Variants in PKN2 observed in about 807,000 individuals in gnomAD.
PKN2 encodes the protein serine/threonine-protein kinase N2.
Under a neutral mutation model 119.1 loss-of-function variants are expected in PKN2, and 38 were observed. That is an observed-to-expected ratio of 0.32 (90% CI 0.25 to 0.42). The LOEUF (loss-of-function observed/expected upper bound fraction) is 0.42. Among genes scored for constraint, PKN2 ranks in the 10% least tolerant of loss-of-function variants. PKN2 has a pLI of 1.00. For synonymous variants in PKN2, 390 were observed against 384.9 expected, an observed-to-expected ratio of 1.01 and a Z score of -0.15; for missense variants, 850 against 1,165.1, an observed-to-expected ratio of 0.73 and a Z score of 3.94.
At chr1:88,689,832 G>A (rs1010719456) in intron 1 of PKN2, among the ~76,000 whole-genome samples, 13 of 152,014 alleles carry the variant, frequency 8.6e-5, no homozygotes, top group Non-Finnish European at 1.8e-4. Flanking sequence ...CAGTAGTATG[G>A]ATTTAGTAAT....
At chr1:88,724,408 C>T (rs914888328) in intron 1 of PKN2, among the ~76,000 whole-genome samples, 13 of 152,100 alleles carry the variant, frequency 8.5e-5, no homozygotes, top group African/African-American at 3.1e-4. Context: ...GTGCAAATGT[C>T]TCTTGTTACA....
rs1433489207 is a variant in PKN2 at position 88,821,941 on chromosome 1, A to G, written c.2280A>G (p.Val760=). 1.9e-6 allele frequency: 3 copies of G among 1,574,154 alleles called. No individual in the cohort carries two copies. In the East Asian group the frequency reaches 6.9e-5, roughly 36 times the overall value. The change falls in exon 17 of 22, where the codon GTA becomes GTG. Residue 760 remains valine, a splice_region_variant and synonymous_variant. Coordinates refer to ENST00000370521, the MANE Select transcript of PKN2 (RefSeq NM_006256.4). ...HTDVFSEPRA[V]FYAACVVLGL... ...CCTGTTGATTTAATTCTTCAAACAG[A>G]TTTTATGCTGCTTGTGTAGTTCTTG... is the stretch of plus-strand genomic sequence containing the variant.
chr1:88,788,451 T>C (rs531093051), intron 8 of PKN2, among the ~76,000 whole-genome samples: 1 of 152,248 alleles, frequency 6.6e-6, no homozygotes, highest in South Asian at 2.1e-4. Context: ...TTTTTTTTTT[T>C]TCTTCTTTCT....
chr1:88,763,671 G>C (rs1009542110), intron 3 of PKN2, among the ~76,000 whole-genome samples: 1 of 151,802 alleles, frequency 6.6e-6, no homozygotes, highest in Non-Finnish European at 1.5e-5. Flanking sequence ...ATTAAAGAAG[G>C]TCATTTATGC....
In PKN2 at chr1:88,834,189, C is replaced by A. The variant is rs1475148670; in HGVS notation, c.*741C>A. 1 of 151,968 alleles carries A rather than the reference C, an allele frequency of 6.6e-6. No individual in the cohort carries two copies. Among genetic ancestry groups the A allele is most frequent in the Non-Finnish European group, 1.5e-5 (1 of 67,946 alleles). 9.4% of individuals were successfully genotyped at this position (151,968 alleles called of 1,614,324 possible). A position where few individuals can be genotyped will look rare whatever the true frequency, so the allele number is the denominator to read the frequency against. On this transcript the variant is annotated 3_prime_UTR_variant, in exon 22 of 22. Coordinates refer to ENST00000370521, the MANE Select transcript of PKN2 (RefSeq NM_006256.4). Reference sequence around the variant, plus strand: ...TTACTTAAGATGTTAAGAATGAGGACTTTTAATCAGCCGAACCAAGATATT... The same window carrying A: ...TTACTTAAGATGTTAAGAATGAGGAATTTTAATCAGCCGAACCAAGATATT...
intron 1 of PKN2, among the ~76,000 whole-genome samples, chr1:88,706,390 A>G (rs185730483): frequency 1.3e-5 from 2 of 152,136 alleles, no homozygotes; most frequent in Non-Finnish European, 2.9e-5. Flanking sequence ...TGTAGTTTCT[A>G]TAGTGTTTTT....
intron 1 of PKN2, among the ~76,000 whole-genome samples, chr1:88,698,372 C>T (rs1026880579): frequency 2.0e-5 from 3 of 152,132 alleles, no homozygotes; most frequent in Admixed American, 1.3e-4. Flanking sequence ...CATGCATAAA[C>T]AATGTCCTCA....
At position 88,724,547 on chromosome 1, in the gene PKN2, G is replaced by A. The variant is rs149883063; in HGVS notation, c.49-16441G>A. On this transcript the variant is annotated intron_variant, in intron 1 of 21. Transcript: ENST00000370521. ...TTTATGTATAACATTGAAGAAAGTG[G>A]CATTAAACAGTGTTCCAAGGGATTA... Among the ~76,000 whole-genome samples the A allele has an allele frequency of 2.8e-3, 417 of 149,928 alleles. 1 individual carries two copies. The highest frequency in any genetic ancestry group is 9.7e-3 in the African/African-American group (398 of 40,948).
intron 1 of PKN2, among the ~76,000 whole-genome samples, chr1:88,737,378 G>C (rs1434686227): frequency 6.6e-6 from 1 of 151,990 alleles, no homozygotes; most frequent in African/African-American, 2.4e-5. Context: ...ATTTTGCCCA[G>C]TGTGGAGTCT....
At chr1:88,761,352 G>C (rs1416473228) in intron 3 of PKN2, among the ~76,000 whole-genome samples, 1 of 151,646 alleles carries the variant, frequency 6.6e-6, no homozygotes, top group Non-Finnish European at 1.5e-5. Context: ...TTTTATTTTA[G>C]TAGATATTTT....
intron 2 of PKN2, 31 bp from the exon 3 acceptor site, chr1:88,760,191 A>G: frequency 8.1e-7 from 1 of 1,242,006 alleles, no homozygotes; most frequent in Non-Finnish European, 1.1e-6. Flanking sequence ...ATTCATTCTA[A>G]TAAGTAATTT....
Position 88,833,259 on chromosome 1 carries a change from C to G in PKN2, c.2766C>G (p.Ser922Arg). The G allele has an allele frequency of 1.2e-6, 2 of 1,612,894 alleles. No homozygotes were observed. Among genetic ancestry groups the G allele is most frequent in the South Asian group, 2.2e-5 (2 of 91,024 alleles). Residue 922 changes from serine (S) to arginine (R), a missense_variant, in exon 22 of 22, where the codon AGC becomes AGG. Around this residue, in one of 9 missense-constraint regions of PKN2, gnomAD observed 95 missense variants for 150.2 expected, o/e 0.63. Coordinates refer to ENST00000370521, the MANE Select transcript of PKN2 (RefSeq NM_006256.4). Reference protein sequence around the residue: ...KHPFFRLIDWSALMDKKVKPP... With the variant: ...KHPFFRLIDWRALMDKKVKPP... ...TTATGATCCAGCTAATTGATTGGAGCGCTCTGATGGACAAAAAAGTAAAGC... is the reference window on the plus strand; with the variant it reads ...TTATGATCCAGCTAATTGATTGGAGGGCTCTGATGGACAAAAAAGTAAAGC...
chr1:88,689,609 G>A (rs985214759), intron 1 of PKN2, among the ~76,000 whole-genome samples: 4 of 152,114 alleles, frequency 2.6e-5, no homozygotes, highest in Non-Finnish European at 5.9e-5. Flanking sequence ...TCAGGAGTTC[G>A]AGACTAGCCT....
rs1045062478 is a variant in PKN2, at chr1:88,835,520, A to G, written c.*2072A>G. 6.6e-5 allele frequency: 10 copies of G among 152,378 alleles called. No individual in the cohort carries two copies. Among genetic ancestry groups the G allele is most frequent in the Non-Finnish European group, 1.3e-4 (9 of 67,864 alleles). 9.4% of individuals were successfully genotyped at this position (152,378 alleles called of 1,614,324 possible). On this transcript the variant is annotated 3_prime_UTR_variant, in exon 22 of 22. Transcript: ENST00000370521. ...TTAGAAGGCAGGGTCTATTTACACA[A>G]TTAAGCTGAAGAAAGCACTAATTTT... is the stretch of plus-strand genomic sequence containing the variant.
At chr1:88,779,167 A>T (rs1215407607) in intron 6 of PKN2, among the ~76,000 whole-genome samples, 1 of 152,070 alleles carries the variant, frequency 6.6e-6, no homozygotes, top group East Asian at 1.9e-4. Flanking sequence ...GCCATCTTCA[A>T]TACTGCCCCC....
At chr1:88,756,508 A>G (rs1669207621) in intron 2 of PKN2, among the ~76,000 whole-genome samples, 1 of 152,166 alleles carries the variant, frequency 6.6e-6, no homozygotes, top group African/African-American at 2.4e-5. Context: ...ATCCTAGGCT[A>G]AATACACCAT....
chr1:88,718,800 C>A (rs894287938), intron 1 of PKN2, among the ~76,000 whole-genome samples: 20 of 152,078 alleles, frequency 1.3e-4, no homozygotes, highest in African/African-American at 4.6e-4. Context: ...GATAGCTTTC[C>A]CCCTTTAGTT....
chr1:88,747,841 A>T (rs993598765), intron 2 of PKN2, among the ~76,000 whole-genome samples: 1 of 152,140 alleles, frequency 6.6e-6, no homozygotes, highest in Non-Finnish European at 1.5e-5. Flanking sequence ...TGTGGGGTTA[A>T]TCTTAGCAAA....
rs548914292 is a variant in PKN2 at position 88,690,271 on chromosome 1, T to A, written c.48+5643T>A. 5.9e-5 allele frequency among the ~76,000 whole-genome samples: 9 copies of A among 152,360 alleles called. No individual in the cohort carries two copies. The East Asian group carries it at 1.5e-3, about 26-fold the overall frequency. On this transcript the variant is annotated intron_variant, in intron 1 of 21. Transcript: ENST00000370521. Reference sequence around the variant, plus strand: ...TGGCAATGGTAAATTTTCATGCCATTCATCAGAAGCATGTTTACTTTTAAA... The same window carrying A: ...TGGCAATGGTAAATTTTCATGCCATACATCAGAAGCATGTTTACTTTTAAA...
Sources: gnomAD v4.1 joint callset for allele counts (sites outside exome capture counted in the v4.1 genomes callset) on GRCh38, gnomAD v4.1.1 for gene constraint, gnomAD v4.1.1 regional missense constraint, MANE v1.5 for transcripts, NCBI Gene and HGNC (gene_info 2026-07-23, HGNC 2026-07-21) for gene names.